Variants in GANC observed in about 807,000 individuals in gnomAD.
GANC encodes the protein glucosidase alpha, neutral C.
Under a neutral mutation model 124.2 loss-of-function variants are expected in GANC, and 117 were observed. That is an observed-to-expected ratio of 0.94 (90% CI 0.81 to 1.10). The LOEUF is 1.10. Among genes scored for constraint, GANC ranks in the 50% least tolerant of loss-of-function variants. GANC has a pLI of 0.00. For missense variants in GANC, 1,140 were observed against 1,095.0 expected (o/e 1.04, Z -0.58); for synonymous variants, 377 against 376.8 (o/e 1.00, Z -0.01).
chr15:42,327,511 A>G, intron 13 of GANC, 69 bp downstream of exon 13: 1 of 1,215,256 alleles, frequency 8.2e-7, no homozygotes, highest in Non-Finnish European at 1.2e-6. Context: ...AAGTGATTGA[A>G]TAAAACTATT....
chr15:42,292,068 G>A (rs990894665), intron 4 of GANC, among the ~76,000 whole-genome samples: 2 of 152,166 alleles, frequency 1.3e-5, no homozygotes, highest in Non-Finnish European at 2.9e-5. Context: ...ATCTAGCTTT[G>A]AGGGATTTTA....
At chr15:42,292,999 G>A (rs1321411804) in intron 5 of GANC, 82 bp downstream of exon 5, 1 of 1,327,706 alleles carries the variant, frequency 7.5e-7, no homozygotes, top group Non-Finnish European at 1.0e-6. Flanking sequence ...AGATAACATA[G>A]CACCATAGAA....
rs2052200587 is a variant in GANC, at chr15:42,326,611, T to C, written c.1420+187T>C. Among the ~76,000 whole-genome samples, 3 of 152,364 alleles carry C rather than the reference T, an allele frequency of 2.0e-5. No homozygotes were observed. The South Asian group carries it at 6.2e-4, about 32-fold the overall frequency. ...TTTTATAATACCTGGTACTATATGC[T>C]TTGTATGTATTTATCAATCAATAAT... On this transcript the variant is annotated intron_variant, in intron 12 of 23. Coordinates refer to ENST00000318010, the MANE Select transcript of GANC (RefSeq NM_198141.3).
chr15:42,348,468 T>C (rs1353112543), intron 21 of GANC, among the ~76,000 whole-genome samples: 2 of 152,234 alleles, frequency 1.3e-5, no homozygotes, highest in Non-Finnish European at 2.9e-5. Flanking sequence ...CAACTTGACG[T>C]TGATTACTAC....
Position 42,310,685 on chromosome 15 carries a change from T to G in GANC, c.904-8T>G. On this transcript the variant is annotated splice_polypyrimidine_tract_variant and splice_region_variant and intron_variant, in intron 9 of 23. Coordinates refer to ENST00000318010, the MANE Select transcript of GANC (RefSeq NM_198141.3). ...ATTTCTCAAATTTTTATTCCATTCT[T>G]TTTCCAGTACACACTGACCCAGATG... 6.3e-7 allele frequency: 1 copy of G among 1,598,318 alleles called. No homozygotes were observed. Among genetic ancestry groups the G allele is most frequent in the Non-Finnish European group, 8.6e-7 (1 of 1,167,394 alleles).
At position 42,273,539 on chromosome 15, in the gene GANC, C is replaced by G; in HGVS notation, c.-943C>G. On this transcript the variant is annotated 5_prime_UTR_variant, in exon 1 of 24. Transcript: ENST00000318010. The stretch of plus-strand genomic sequence containing the variant: ...TTGTTTGCTGTGCGGCGTAGCGGCC[C>G]CTCTCTCAGACAGTCGTCTGTGCGC... 5 of 1,411,388 alleles carry G rather than the reference C, an allele frequency of 3.5e-6. No homozygotes were observed. The highest frequency in any genetic ancestry group is 4.7e-6 in the Non-Finnish European group (5 of 1,059,246). 87.4% of individuals were successfully genotyped at this position (1,411,388 alleles called of 1,614,324 possible).
chr15:42,315,190 A>G (rs2052091056), intron 10 of GANC, among the ~76,000 whole-genome samples: 2 of 152,200 alleles, frequency 1.3e-5, no homozygotes, highest in Non-Finnish European at 2.9e-5. Context: ...TGGAAATGGA[A>G]AAAAATAAAT....
At chr15:42,336,453 C>T (rs1293683300) in intron 15 of GANC, among the ~76,000 whole-genome samples, 2 of 152,182 alleles carry the variant, frequency 1.3e-5, no homozygotes, top group Non-Finnish European at 2.9e-5. Flanking sequence ...AAACTGGACT[C>T]CTTTCATATA....
At chr15:42,342,604 A>AT (rs1491210264) in intron 18 of GANC, among the ~76,000 whole-genome samples, 4 of 151,296 alleles carry the variant, frequency 2.6e-5, no homozygotes, top group Admixed American at 6.6e-5. Context: ...AAAAAAAAAA[A>AT]GAAAAAGAAA....
chr15:42,290,468 A>G (rs1197628555), intron 4 of GANC, among the ~76,000 whole-genome samples: 1 of 152,212 alleles, frequency 6.6e-6, no homozygotes, highest in Non-Finnish European at 1.5e-5. Context: ...GAATTAGTCC[A>G]TAAGTTAATT....
At chr15:42,332,419 A>T (rs1200419603) in intron 15 of GANC, among the ~76,000 whole-genome samples, 1 of 152,168 alleles carries the variant, frequency 6.6e-6, no homozygotes, top group African/African-American at 2.4e-5. Context: ...TTGATCTCTT[A>T]TGTTGGTCCA....
intron 15 of GANC, among the ~76,000 whole-genome samples, chr15:42,333,312 A>G (rs1046021600): frequency 4.6e-5 from 7 of 151,354 alleles, no homozygotes; most frequent in African/African-American, 1.7e-4. Flanking sequence ...TGGGCCACAG[A>G]GTGAAACTCC....
At chr15:42,302,846 G>A (rs1595770157) in intron 6 of GANC, among the ~76,000 whole-genome samples, 1 of 152,210 alleles carries the variant, frequency 6.6e-6, no homozygotes, top group South Asian at 2.1e-4. Flanking sequence ...CAAGATATAT[G>A]GGACTATGTG....
At chr15:42,320,246 G>A (rs1029421928) in intron 10 of GANC, among the ~76,000 whole-genome samples, 1 of 151,988 alleles carries the variant, frequency 6.6e-6, no homozygotes, top group African/African-American at 2.4e-5. Context: ...TCAGATTTTG[G>A]ATTTTCAAAT....
intron 20 of GANC, among the ~76,000 whole-genome samples, chr15:42,346,821 G>A (rs2052369258): frequency 6.6e-6 from 1 of 152,046 alleles, no homozygotes; most frequent in Non-Finnish European, 1.5e-5. Context: ...GTTTCTAAAG[G>A]GAACTTTCTT....
chr15:42,290,140 TC>T (rs1350456611), intron 4 of GANC, among the ~76,000 whole-genome samples: 1 of 152,150 alleles, frequency 6.6e-6, no homozygotes, highest in Non-Finnish European at 1.5e-5. Context: ...ACCACAAAAT[TC>T]TGTGGCAATG....
chr15:42,352,008 C>T, intron 23 of GANC, 22 bp from the exon 24 acceptor site: 1 of 1,613,402 alleles, frequency 6.2e-7, no homozygotes, highest in African/African-American at 1.3e-5. Flanking sequence ...AAATTTCCCT[C>T]TTTTATTGTC....
chr15:42,279,888 C>T (rs542639629), intron 3 of GANC, among the ~76,000 whole-genome samples: 3 of 152,266 alleles, frequency 2.0e-5, no homozygotes, highest in Admixed American at 1.3e-4. Context: ...TACTGATATT[C>T]GTGGGTTCTC....
chr15:42,311,747 T>C (rs2052051588), intron 10 of GANC, among the ~76,000 whole-genome samples: 1 of 152,096 alleles, frequency 6.6e-6, no homozygotes, highest in Non-Finnish European at 1.5e-5. Context: ...TCCGCCTCCA[T>C]GATCCAGTCA....
Sources: gnomAD v4.1 joint callset for allele counts (sites outside exome capture counted in the v4.1 genomes callset) on GRCh38, gnomAD v4.1.1 for gene constraint, MANE v1.5 for transcripts, NCBI Gene and HGNC (gene_info 2026-07-23, HGNC 2026-07-21) for gene names.